The following MCFD2 variants were observed in gnomAD, a reference collection of about 807,000 sequenced individuals.
The protein encoded by MCFD2 is multiple coagulation factor deficiency protein 2.
Under a neutral mutation model 12.8 loss-of-function variants are expected in MCFD2, and 11 were observed. That is an observed-to-expected ratio of 0.86 (90% CI 0.54 to 1.42). The LOEUF (loss-of-function observed/expected upper bound fraction) is 1.42, where lower values mean the gene tolerates loss of function less well. Ranked by LOEUF, MCFD2 falls within the 40% of genes most tolerant of loss-of-function variation. The pLI is 0.00. For synonymous variants in MCFD2, 70 were observed against 68.1 expected, an observed-to-expected ratio of 1.03 and a Z score of -0.14; for missense variants, 191 against 178.6, an observed-to-expected ratio of 1.07 and a Z score of -0.40.
chr2:46,924,853 C>G (rs776937394), intron 1 of MCFD2, among the ~76,000 whole-genome samples: 14 of 152,244 alleles, frequency 9.2e-5, no homozygotes, highest in Non-Finnish European at 1.5e-5. Flanking sequence ...GACTCGAGCT[C>G]TGGGCTCAAG....
Position 46,937,499 on chromosome 2 carries a change from C to T in MCFD2, c.-8+4073G>A, listed in dbSNP as rs1670040178. Among the ~76,000 whole-genome samples the T allele has an allele frequency of 6.6e-6, 1 of 152,236 alleles. No individual in the cohort carries two copies. The highest frequency in any genetic ancestry group is 2.1e-4 in the South Asian group (1 of 4,836). On this transcript the variant is annotated intron_variant, in intron 1 of 2. Transcript: ENST00000409147. The surrounding 1 kb of genome is among the most constrained non-coding windows in gnomAD (Gnocchi z 4.0). ...ACTTCGAATTGTTTTAGGAACATAT[C>T]ATCCAGAGCAGCCAGATTTATAGCA... is the stretch of plus-strand genomic sequence containing the variant.
In MCFD2 at chr2:46,941,530, G is replaced by A. The variant is rs1453892294; in HGVS notation, c.-8+42C>T. 1.3e-6 allele frequency: 2 copies of A among 1,551,264 alleles called. No homozygotes were observed. Among genetic ancestry groups the A allele is most frequent in the South Asian group, 1.2e-5 (1 of 84,136 alleles). On this transcript the variant is annotated intron_variant, in intron 1 of 2. Transcript: ENST00000409147. The surrounding 1 kb of genome is among the most constrained non-coding windows in gnomAD (Gnocchi z 4.2). The stretch of plus-strand genomic sequence containing the variant: ...TCTTGGCCGCACCTTCCATGACAGC[G>A]CCCGCGAGAAGATGGCTGCGAAGGG...
chr2:46,911,175 T>A (rs1668470916), intron 1 of MCFD2, among the ~76,000 whole-genome samples: 1 of 152,194 alleles, frequency 6.6e-6, no homozygotes, highest in Non-Finnish European at 1.5e-5. Flanking sequence ...TTCGCCAGGC[T>A]GGAGTGCAGT....
At chr2:46,915,806 G>GGGGGGGGGGGGGGGGCC, upstream of MCFD2, 6 of 512,566 alleles carry the variant, frequency 1.2e-5, no homozygotes, top group Non-Finnish European at 1.3e-5. Flanking sequence ...CCTCGGCTTC[G>GGGGGGGGGGGGGGGGCC]CCCCGCCCCC....
intron 1 of MCFD2, among the ~76,000 whole-genome samples, chr2:46,936,994 A>G (rs1670011404): frequency 6.6e-6 from 1 of 151,820 alleles, no homozygotes; most frequent in Admixed American, 6.6e-5. Flanking sequence ...AGGTGGGACC[A>G]CAGGCACCTG....
chr2:46,915,806 G>GGGGGGGGGGGGGGGCGC, upstream of MCFD2: 2 of 512,582 alleles, frequency 3.9e-6, no homozygotes, highest in Non-Finnish European at 4.3e-6. Flanking sequence ...CCTCGGCTTC[G>GGGGGGGGGGGGGGGCGC]CCCCGCCCCC....
upstream of MCFD2, among the ~76,000 whole-genome samples, chr2:46,918,536 A>C (rs930887940): frequency 3.3e-5 from 5 of 152,238 alleles, no homozygotes; most frequent in African/African-American, 1.2e-4. Flanking sequence ...ACCCATTCCT[A>C]ACAGGCAAAT....
At chr2:46,931,692 T>TAATAAATA (rs10524721) in intron 1 of MCFD2, among the ~76,000 whole-genome samples, 17,459 of 148,500 alleles carry the variant, frequency 0.12, 1,515 homozygotes, top group East Asian at 0.29. Flanking sequence ...AAACAGACAA[T>TAATAAATA]AATAAATAAA....
At chr2:46,916,466 T>G (rs1367755173), upstream of MCFD2, 1 of 152,418 alleles carries the variant, frequency 6.6e-6, no homozygotes, top group Admixed American at 6.5e-5. Flanking sequence ...GACAGATTAC[T>G]TAAAAACAGA....
chr2:46,913,085 T>C (rs762537313), intron 1 of MCFD2, among the ~76,000 whole-genome samples: 19 of 152,344 alleles, frequency 1.2e-4, no homozygotes, highest in Non-Finnish European at 2.2e-4. Context: ...GTAGTAACTA[T>C]GAGTCCAAAA....
Position 46,907,799 on chromosome 2 carries a change from G to A in MCFD2, c.309+11C>T. The A allele has an allele frequency of 2.5e-6, 4 of 1,613,944 alleles. No individual in the cohort carries two copies. In the South Asian group the frequency reaches 3.3e-5, roughly 13 times the overall value. ...CTGTGATACAGTCCCCCAAGCCACT[G>A]CCAGACCTACCTCCTTATGGACATG... On this transcript the variant is annotated intron_variant, in intron 3 of 3. Coordinates refer to ENST00000319466, the MANE Select transcript of MCFD2 (RefSeq NM_139279.6). This position sits in a 1 kb window ranked among gnomAD's most constrained non-coding sequence, Gnocchi z 4.1.
At chr2:46,935,673 C>T (rs1669942987) in intron 1 of MCFD2, among the ~76,000 whole-genome samples, 1 of 152,188 alleles carries the variant, frequency 6.6e-6, no homozygotes, top group South Asian at 2.1e-4. Context: ...CACTGCAGTC[C>T]AAGACCCCTG....
At chr2:46,910,968 A>C (rs1266987168) in intron 1 of MCFD2, 1 of 152,212 alleles carries the variant, frequency 6.6e-6, no homozygotes, top group Non-Finnish European at 1.5e-5. Flanking sequence ...TGAGCCCAGG[A>C]GTTCAAGGCT....
Position 46,915,785 on chromosome 2 carries a change from A to AT in MCFD2, c.-70_-69insA. ...GTGAGCCTCACCAGCCCCCGTCCCC[A>AT]AAACGCTCTTCCTCGGCTTCGCCCC... is the stretch of plus-strand genomic sequence containing the variant. On this transcript the variant is annotated 5_prime_UTR_variant, in exon 1 of 4. In the 5' UTR this introduces an upstream ATG that the reference lacks. Coordinates refer to ENST00000319466, the MANE Select transcript of MCFD2 (RefSeq NM_139279.6). 7 of 909,586 alleles carry AT rather than the reference A, an allele frequency of 7.7e-6. No individual in the cohort carries two copies. The highest frequency in any genetic ancestry group is 9.0e-6 in the Non-Finnish European group (7 of 777,742). 56.3% of individuals were successfully genotyped at this position (909,586 alleles called of 1,614,324 possible).
At chr2:46,934,887 G>C (rs1330178179) in intron 1 of MCFD2, among the ~76,000 whole-genome samples, 1 of 128,704 alleles carries the variant, frequency 7.8e-6, no homozygotes, top group Non-Finnish European at 1.6e-5. Context: ...TGCAACCTCC[G>C]CCTCCCGGGT....
Position 46,910,047 on chromosome 2 carries a change from C to T in MCFD2, c.-6-870G>A, listed in dbSNP as rs181267381. Among the ~76,000 whole-genome samples the T allele has an allele frequency of 8.5e-5, 13 of 152,250 alleles. No homozygotes were observed. In the East Asian group the frequency reaches 2.5e-3, roughly 29 times the overall value. ...CGGCAGCGGACAAGGTTCTGTACCT[C>T]CTGGGTGGTAACAGTGGCAAGTAAC... On this transcript the variant is annotated intron_variant, in intron 1 of 3. Transcript: ENST00000319466.
At chr2:46,939,045 G>A (rs576819424) in intron 1 of MCFD2, among the ~76,000 whole-genome samples, 1 of 151,048 alleles carries the variant, frequency 6.6e-6, no homozygotes, top group Non-Finnish European at 1.5e-5. Context: ...GCGGGCCAGG[G>A]TGGGAGGACC....
At chr2:46,911,282 C>G (rs973141707) in intron 1 of MCFD2, among the ~76,000 whole-genome samples, 3 of 151,818 alleles carry the variant, frequency 2.0e-5, no homozygotes, top group African/African-American at 7.3e-5. Context: ...TGCATGTCAC[C>G]ACGTCCAGCT....
chr2:46,926,847 T>TGCTTA (rs2103823526), intron 1 of MCFD2, among the ~76,000 whole-genome samples: 2 of 152,360 alleles, frequency 1.3e-5, no homozygotes, highest in East Asian at 3.9e-4. Context: ...TGTTAAACAC[T>TGCTTA]GCTTACTATC....
Sources: allele counts gnomAD v4.1 joint callset (sites outside exome capture counted in the v4.1 genomes callset), GRCh38; gene constraint gnomAD v4.1.1; non-coding constraint Gnocchi (gnomAD v3.1); transcripts MANE v1.5; gene names NCBI Gene and HGNC (gene_info 2026-07-23, HGNC 2026-07-21).